Variants in BICRA observed in about 807,000 individuals in gnomAD.
BICRA encodes BRD4-interacting chromatin-remodeling complex-associated protein.
BICRA carries 31 observed loss-of-function variants against 96.9 expected under a neutral mutation model. The observed-to-expected ratio is 0.32, with a 90% CI of 0.24 to 0.43. The LOEUF is 0.43. Among genes scored for constraint, BICRA ranks in the 20% least tolerant of loss-of-function variants. The probability of loss-of-function intolerance (pLI) is 1.00; values close to 1 mark genes in which losing one functional copy is unlikely to be tolerated. For synonymous variants in BICRA, 1,350 were observed against 1,071.8 expected (o/e 1.26, Z -5.07); for missense variants, 2,283 against 2,190.3 (o/e 1.04, Z -0.84).
chr19:47,660,645 A>G (rs1190604109), intron 1 of BICRA, among the ~76,000 whole-genome samples: 1 of 152,182 alleles, frequency 6.6e-6, no homozygotes, highest in Non-Finnish European at 1.5e-5. Context: ...CAGGACAACT[A>G]AAGGGATAGA....
intron 1 of BICRA, among the ~76,000 whole-genome samples, chr19:47,664,309 C>T (rs190603720): frequency 6.6e-6 from 1 of 152,248 alleles, no homozygotes; most frequent in Admixed American, 6.5e-5. Flanking sequence ...CGCAAAACTC[C>T]GATTGCATTA....
At chr19:47,662,940 T>C (rs550401668) in intron 1 of BICRA, 2 of 152,278 alleles carry the variant, frequency 1.3e-5, no homozygotes, top group East Asian at 3.9e-4. Flanking sequence ...CCTTGACCCA[T>C]GTGAGAGGCC....
At chr19:47,633,915 G>A (rs1260297328) in intron 1 of BICRA, among the ~76,000 whole-genome samples, 1 of 152,194 alleles carries the variant, frequency 6.6e-6, no homozygotes, top group African/African-American at 2.4e-5. Context: ...AGAACCCGCC[G>A]AGGGGCGTTC....
At chr19:47,683,267 T>C (rs1371099470) in intron 7 of BICRA, among the ~76,000 whole-genome samples, 1 of 152,138 alleles carries the variant, frequency 6.6e-6, no homozygotes, top group Non-Finnish European at 1.5e-5. Flanking sequence ...GTTGTGCCTT[T>C]TTTCCCCCGC....
In BICRA at chr19:47,678,901, CT is replaced by C. The variant is rs554786093; in HGVS notation, c.151-407del. ...TTTCTTTTTTTTTTCTTTTTTTCTT[CT>C]TTTTTTTTTTTTCTTCTCAAAGTCT... On this transcript the variant is annotated intron_variant, in intron 5 of 14. Coordinates refer to ENST00000594866, the MANE Select transcript of BICRA (RefSeq NM_001394372.1). 6.6e-3 allele frequency: 1,011 copies of C among 153,130 alleles called. 1 individual carries two copies. Among genetic ancestry groups the C allele is most frequent in the East Asian group, 0.011 (64 of 5,770 alleles). 9.5% of individuals were successfully genotyped at this position (153,130 alleles called of 1,614,324 possible).
Position 47,694,952 on chromosome 19 carries a change from C to T in BICRA, c.2948C>T (p.Pro983Leu), listed in dbSNP as rs531030654. 1.6e-5 allele frequency: 25 copies of T among 1,550,020 alleles called. No individual in the cohort carries two copies. Among genetic ancestry groups the T allele is most frequent in the African/African-American group, 2.8e-5 (2 of 72,306 alleles). Residue 983 changes from proline to leucine, a missense_variant, in exon 9 of 15, where the codon CCG (proline) becomes CTG (leucine). By Grantham distance (98) the Pro-to-Leu change is moderately conservative. Transcript: ENST00000594866. ...AAGGCTGGGGGGGCCCCTGCCGCCC[C>T]GCAGACCTCCACCAGCCTGGGGCCC... ...QNKAGGAPAA[P>L]QTSTSLGPLT...
intron 1 of BICRA, among the ~76,000 whole-genome samples, chr19:47,628,340 A>G (rs1008057374): frequency 2.6e-5 from 4 of 152,056 alleles, no homozygotes; most frequent in African/African-American, 9.7e-5. Context: ...CTTAACTCCC[A>G]GGTGAGGCTG....
chr19:47,684,099 C>A (rs113339748), intron 7 of BICRA, among the ~76,000 whole-genome samples: 108 of 152,336 alleles, frequency 7.1e-4, no homozygotes, highest in Non-Finnish European at 1.4e-3. Context: ...CCTAGGCAGG[C>A]TGAGGGAGCA....
intron 1 of BICRA, among the ~76,000 whole-genome samples, chr19:47,648,664 G>T (rs566206556): frequency 6.6e-6 from 1 of 150,826 alleles, no homozygotes; most frequent in Non-Finnish European, 1.5e-5. Flanking sequence ...CTGAGGTCAG[G>T]AGTTTTTTTT....
At position 47,695,406 on chromosome 19, in the gene BICRA, A is replaced by G. The variant is rs755354991; in HGVS notation, c.3118A>G (p.Ser1040Gly). 7 of 1,535,524 alleles carry G rather than the reference A, an allele frequency of 4.6e-6. No homozygotes were observed. In the Admixed American group the frequency reaches 1.2e-4, roughly 25 times the overall value. ...TCCAGCCGAGAACAAGGCTTTTGCC[A>G]GCAACCTCCCGACCCTGAATGTGGC... ...LLPAENKAFASNLPTLNVAKA... is the reference protein window; with the variant it reads ...LLPAENKAFAGNLPTLNVAKA... The change falls in exon 10 of 15, where the codon AGC becomes GGC. Residue 1040 changes from serine (S) to glycine (G), a missense_variant. Physicochemically the swap from Ser to Gly is moderately conservative, Grantham distance 56. Transcript: ENST00000594866.
rs141600970 is a variant in BICRA at position 47,682,872 on chromosome 19, A to C, written c.2283+720A>C. The stretch of plus-strand genomic sequence containing the variant: ...TTTTTAATAGAGACGGGGTTTCACC[A>C]TGTTGCCCAGGCTGGTCTTGAACTC... On this transcript the variant is annotated intron_variant, in intron 7 of 14. Coordinates refer to ENST00000594866, the MANE Select transcript of BICRA (RefSeq NM_001394372.1). Among the ~76,000 whole-genome samples the C allele has an allele frequency of 3.5e-3, 527 of 152,106 alleles. 4 individuals carry two copies. The highest frequency in any genetic ancestry group is 0.012 in the African/African-American group (504 of 41,488).
intron 1 of BICRA, among the ~76,000 whole-genome samples, chr19:47,668,865 A>T (rs1203227930): frequency 3.3e-5 from 5 of 150,514 alleles, no homozygotes; most frequent in Non-Finnish European, 5.9e-5. Context: ...CACTCCTGTA[A>T]TCCCAACACT....
Position 47,680,859 on chromosome 19 carries a change from G to A in BICRA, c.1689G>A (p.Ala563=), listed in dbSNP as rs750820434. The part of the protein sequence containing the change: ...ALFQMPVSLA[A]GSLPTQSQPA... ...TCCAGATGCCCGTGTCGCTGGCGGC[G>A]GGCAGCCTGCCCACGCAGAGCCAGC... Residue 563 remains alanine, a synonymous_variant, in exon 6 of 15, where the codon GCG becomes GCA. Transcript: ENST00000594866. 19 of 1,560,276 alleles carry A rather than the reference G, an allele frequency of 1.2e-5. No homozygotes were observed. Among genetic ancestry groups the A allele is most frequent in the South Asian group, 2.4e-5 (2 of 84,230 alleles).
rs186985174 is a variant in BICRA, at chr19:47,635,399, C to T, written c.-108+26231C>T. Among the ~76,000 whole-genome samples the T allele has an allele frequency of 2.6e-4, 40 of 152,164 alleles. 1 individual carries two copies. Among genetic ancestry groups the T allele is most frequent in the Middle Eastern group, 3.4e-3 (1 of 294 alleles). On this transcript the variant is annotated intron_variant, in intron 1 of 14. Transcript: ENST00000594866. ...AGTAGGCGGGACTACAGGAGCGTGC[C>T]ACCACATGTGGCTAATTTTTTTTTT...
At chr19:47,637,212 C>T (rs1194767066) in intron 1 of BICRA, among the ~76,000 whole-genome samples, 5 of 148,092 alleles carry the variant, frequency 3.4e-5, no homozygotes, top group Non-Finnish European at 7.5e-5. Flanking sequence ...CTTCACCTCC[C>T]GGGTTCACGC....
At chr19:47,621,794 G>A (rs746992937) in intron 1 of BICRA, among the ~76,000 whole-genome samples, 1 of 147,978 alleles carries the variant, frequency 6.8e-6, no homozygotes, top group Non-Finnish European at 1.5e-5. Context: ...CTTTAACTCA[G>A]TTTCTTTTTA....
chr19:47,643,299 G>T (rs1178552774), intron 1 of BICRA, among the ~76,000 whole-genome samples: 1 of 152,166 alleles, frequency 6.6e-6, no homozygotes. Flanking sequence ...CCTTTTTCTG[G>T]ATGCTAAAAA....
intron 1 of BICRA, among the ~76,000 whole-genome samples, chr19:47,666,216 G>A (rs780382588): frequency 6.6e-6 from 1 of 152,184 alleles, no homozygotes; most frequent in Non-Finnish European, 1.5e-5. Context: ...CAGTCAAGGT[G>A]CACTTGATTC....
chr19:47,678,119 G>T (rs567484705), intron 5 of BICRA, among the ~76,000 whole-genome samples: 300 of 152,088 alleles, frequency 2.0e-3, no homozygotes, highest in Non-Finnish European at 3.4e-3. Context: ...ATTTATTTTT[G>T]TTTTGTTTTG....
Sources: gnomAD v4.1 joint callset for allele counts (sites outside exome capture counted in the v4.1 genomes callset) on GRCh38, gnomAD v4.1.1 for gene constraint, MANE v1.5 for transcripts, NCBI Gene and HGNC (gene_info 2026-07-23, HGNC 2026-07-21) for gene names.